SHISA9: variants seen among roughly 807,000 people sequenced by gnomAD.
SHISA9 encodes the protein shisa family member 9, also known as protein shisa-9.
A neutral mutation model predicts 38.0 loss-of-function variants in SHISA9; 13 were observed. The ratio of observed to expected loss-of-function variants is 0.34; its 90% CI spans 0.22 to 0.54. The LOEUF is 0.54. SHISA9 is among the 20% of genes least tolerant of loss of function. The pLI, the probability that SHISA9 is intolerant of heterozygous loss-of-function variation, is 0.91. For missense variants in SHISA9, 538 were observed against 575.8 expected, an observed-to-expected ratio of 0.93 and a Z score of 0.67; for synonymous variants, 275 against 242.0, an observed-to-expected ratio of 1.14 and a Z score of -1.27.
chr16:13,192,402 A>G (rs2050893799), intron 2 of SHISA9, among the ~76,000 whole-genome samples: 1 of 152,130 alleles, frequency 6.6e-6, no homozygotes, highest in African/African-American at 2.4e-5. Context: ...AAGCTTTGGA[A>G]AAATTTTATG....
At chr16:12,981,794 A>G (rs1268901723) in intron 2 of SHISA9, among the ~76,000 whole-genome samples, 1 of 152,192 alleles carries the variant, frequency 6.6e-6, no homozygotes, top group East Asian at 1.9e-4. Context: ...CTAACCCCAT[A>G]TGACTGGTAT....
chr16:13,129,915 C>G (rs1226336160), intron 2 of SHISA9, among the ~76,000 whole-genome samples: 1 of 152,156 alleles, frequency 6.6e-6, no homozygotes, highest in Non-Finnish European at 1.5e-5. Flanking sequence ...TCTTGTGAAT[C>G]CCTCATCACT....
At chr16:13,213,152 G>T in intron 3 of SHISA9, 101 bp from the exon 4 acceptor site, 1 of 999,664 alleles carries the variant, frequency 1.0e-6, no homozygotes, top group Non-Finnish European at 1.5e-6. Context: ...CTGCTTGGAG[G>T]CTGCAGCAGG....
At chr16:13,344,825 A>C in the SHISA9 span, among the ~76,000 whole-genome samples, 1 of 152,186 alleles carries the variant, frequency 6.6e-6, no homozygotes, top group Non-Finnish European at 1.5e-5. Flanking sequence ...CATGCCTCCA[A>C]ATCCTATGTT....
At chr16:13,492,605 A>G in the SHISA9 span, among the ~76,000 whole-genome samples, 11 of 152,322 alleles carry the variant, frequency 7.2e-5, no homozygotes, top group Middle Eastern at 3.4e-3. Flanking sequence ...AGCCAGGGCC[A>G]TGTAAGCCAT....
chr16:13,381,218 G>A, the SHISA9 span, among the ~76,000 whole-genome samples: 2 of 152,130 alleles, frequency 1.3e-5, no homozygotes, highest in African/African-American at 4.8e-5. Flanking sequence ...AGTAGGCCTA[G>A]AGGGCAACTA....
At position 13,235,266 on chromosome 16, in the gene SHISA9, C is replaced by G. The variant is rs1284340316; in HGVS notation, c.1132C>G (p.Leu378Val). The G allele has an allele frequency of 6.4e-7, 1 of 1,551,614 alleles. No homozygotes were observed. Among genetic ancestry groups the G allele is most frequent in the Non-Finnish European group, 8.7e-7 (1 of 1,147,032 alleles). The part of the protein sequence containing the change: ...FKGWDPNEQS[L>V]RRQAYSNKGK... ...GGGCTGGGACCCCAACGAGCAGTCC[C>G]TCCGGCGGCAGGCTTACAGCAACAA... Residue 378 changes from leucine to valine, a missense_variant, in exon 5 of 5, where the codon CTC (leucine) becomes GTC (valine). Leu to Val is a conservative substitution (Grantham distance 32, BLOSUM62 1). This residue lies in a region of SHISA9 where 326 missense variants were observed against 305.9 expected (regional missense o/e 1.07). Coordinates refer to ENST00000558583, the MANE Select transcript of SHISA9 (RefSeq NM_001145204.3).
chr16:12,940,523 G>C (rs369906326), intron 2 of SHISA9, among the ~76,000 whole-genome samples: 2 of 151,688 alleles, frequency 1.3e-5, no homozygotes, highest in East Asian at 1.9e-4. Context: ...TAGACTGTGC[G>C]GTCCAACCCT....
At chr16:13,106,129 G>T (rs1008468366) in intron 2 of SHISA9, among the ~76,000 whole-genome samples, 4 of 152,180 alleles carry the variant, frequency 2.6e-5, no homozygotes, top group African/African-American at 7.2e-5. Context: ...AAGTGGCAGA[G>T]CTGGAATTAG....
the SHISA9 span, among the ~76,000 whole-genome samples, chr16:13,317,662 C>A: frequency 1.3e-4 from 20 of 152,204 alleles, no homozygotes; most frequent in Admixed American, 1.3e-4. Context: ...GAGATCACAA[C>A]AGCCCTACCT....
At chr16:13,490,569 A>G in the SHISA9 span, among the ~76,000 whole-genome samples, 11 of 152,298 alleles carry the variant, frequency 7.2e-5, no homozygotes, top group Admixed American at 3.3e-4. Context: ...TGTCTCAAAC[A>G]TACATAAAGC....
At chr16:12,905,037 C>T (rs1022128759) in intron 1 of SHISA9, among the ~76,000 whole-genome samples, 2 of 152,054 alleles carry the variant, frequency 1.3e-5, no homozygotes, top group African/African-American at 4.8e-5. Context: ...CCTTGAAAAG[C>T]TCTCCAGGTG....
At chr16:13,155,097 G>C (rs203325) in intron 2 of SHISA9, among the ~76,000 whole-genome samples, 37,905 of 152,104 alleles carry the variant, frequency 0.25, 4,870 homozygotes, top group East Asian at 0.42. Context: ...AATGAACTGG[G>C]GACAGAATGG....
At chr16:13,214,289 C>T (rs529237600) in intron 4 of SHISA9, among the ~76,000 whole-genome samples, 2 of 152,328 alleles carry the variant, frequency 1.3e-5, no homozygotes, top group East Asian at 3.9e-4. Flanking sequence ...ACCTCCTCCG[C>T]CTCCCAGGTT....
intron 2 of SHISA9, among the ~76,000 whole-genome samples, chr16:13,193,520 T>G (rs1236582377): frequency 6.6e-6 from 1 of 152,032 alleles, no homozygotes; most frequent in Admixed American, 6.6e-5. Flanking sequence ...AATTTTTGTA[T>G]TTTTTAGTAG....
At chr16:13,546,555 C>T in the SHISA9 span, among the ~76,000 whole-genome samples, 1 of 152,116 alleles carries the variant, frequency 6.6e-6, no homozygotes, top group African/African-American at 2.4e-5. Context: ...CTAAATTCTC[C>T]AATTGAAAGA....
intron 2 of SHISA9, among the ~76,000 whole-genome samples, chr16:12,959,247 A>G (rs1040674823): frequency 2.0e-5 from 3 of 152,242 alleles, no homozygotes; most frequent in Non-Finnish European, 2.9e-5. Flanking sequence ...AAGGAATGGA[A>G]TGCAAGACTA....
the SHISA9 span, among the ~76,000 whole-genome samples, chr16:13,415,997 T>C: frequency 6.6e-6 from 1 of 152,144 alleles, no homozygotes; most frequent in East Asian, 1.9e-4. Flanking sequence ...AGGAGATAAG[T>C]GAGGTGCTTT....
the SHISA9 span, among the ~76,000 whole-genome samples, chr16:13,433,748 A>C: frequency 2.0e-5 from 3 of 152,222 alleles, no homozygotes; most frequent in East Asian, 5.8e-4. Context: ...AAGAGGTAGC[A>C]TTGGAACTGA....
Sources: allele counts gnomAD v4.1 joint callset (sites outside exome capture counted in the v4.1 genomes callset), GRCh38; gene constraint gnomAD v4.1.1; regional missense constraint gnomAD v4.1.1; transcripts MANE v1.5; gene names NCBI Gene and HGNC (gene_info 2026-07-23, HGNC 2026-07-21).